The following NRXN1 variants were observed in gnomAD, a reference collection of about 807,000 sequenced individuals.
NRXN1 encodes neurexin-1.
In NRXN1, 39 loss-of-function variants were observed where a neutral mutation model predicts 150.9. The observed-to-expected ratio is 0.26, with a 90% CI of 0.20 to 0.34. The LOEUF is 0.34. Ranked by LOEUF, NRXN1 falls within the 10% of genes least tolerant of loss-of-function variation. The probability of loss-of-function intolerance (pLI) is 1.00; values close to 1 mark genes in which losing one functional copy is unlikely to be tolerated. For missense variants in NRXN1, 1,815 were observed against 1,949.9 expected (o/e 0.93, Z 1.30); for synonymous variants, 924 against 757.0 (o/e 1.22, Z -3.62).
intron 5 of NRXN1, among the ~76,000 whole-genome samples, chr2:50,770,022 G>A (rs1162024526): frequency 6.6e-6 from 1 of 152,074 alleles, no homozygotes; most frequent in African/African-American, 2.4e-5. Flanking sequence ...AACTTCACTT[G>A]TGCTTCCCTG....
At chr2:50,453,424 G>T (rs965425541) in intron 17 of NRXN1, among the ~76,000 whole-genome samples, 4 of 151,944 alleles carry the variant, frequency 2.6e-5, no homozygotes, top group Non-Finnish European at 4.4e-5. Context: ...TTTTGATTCA[G>T]GTAGACAAAT....
intron 17 of NRXN1, among the ~76,000 whole-genome samples, chr2:50,423,963 G>C (rs1475056373): frequency 3.3e-5 from 5 of 151,990 alleles, no homozygotes; most frequent in Non-Finnish European, 5.9e-5. Context: ...TTCCAGAACT[G>C]AAAATTTACA....
intron 17 of NRXN1, among the ~76,000 whole-genome samples, chr2:50,260,844 A>G (rs1344058362): frequency 6.6e-6 from 1 of 151,442 alleles, no homozygotes; most frequent in Non-Finnish European, 1.5e-5. Context: ...AAAACGAGAC[A>G]CTCAAAATCC....
chr2:50,172,852 A>C (rs2060114041), intron 18 of NRXN1, among the ~76,000 whole-genome samples: 2 of 152,170 alleles, frequency 1.3e-5, no homozygotes, highest in Admixed American at 6.6e-5. Flanking sequence ...CTGTAGTCCC[A>C]GCCACTTGGG....
intron 12 of NRXN1, among the ~76,000 whole-genome samples, chr2:50,513,143 G>A (rs1391125159): frequency 6.6e-6 from 1 of 151,946 alleles, no homozygotes; most frequent in Non-Finnish European, 1.5e-5. Context: ...AAGGACTAAG[G>A]GATATAACAA....
chr2:50,200,342 T>A (rs996285037), intron 18 of NRXN1, among the ~76,000 whole-genome samples: 1 of 152,146 alleles, frequency 6.6e-6, no homozygotes, highest in Non-Finnish European at 1.5e-5. Flanking sequence ...CTGTCTGGAG[T>A]CATAATTAAT....
intron 2 of NRXN1, among the ~76,000 whole-genome samples, chr2:50,929,870 A>G (rs1296332056): frequency 6.6e-6 from 1 of 152,042 alleles, no homozygotes; most frequent in African/African-American, 2.4e-5. Flanking sequence ...AAAAACCTCA[A>G]TAGTCTGGGA....
chr2:50,518,284 A>T (rs2092685509), intron 12 of NRXN1, among the ~76,000 whole-genome samples: 1 of 152,084 alleles, frequency 6.6e-6, no homozygotes, highest in African/African-American at 2.4e-5. Context: ...TAATAAAATA[A>T]GCCTAATACA....
At chr2:49,941,564 C>T (rs1416397385) in intron 22 of NRXN1, among the ~76,000 whole-genome samples, 1 of 152,068 alleles carries the variant, frequency 6.6e-6, no homozygotes, top group Non-Finnish European at 1.5e-5. Flanking sequence ...CAATTAGTTA[C>T]TGTGATTCAC....
intron 5 of NRXN1, among the ~76,000 whole-genome samples, chr2:50,903,490 G>A (rs1222554643): frequency 6.6e-6 from 1 of 152,082 alleles, no homozygotes; most frequent in African/African-American, 2.4e-5. Context: ...AGTATTCTGG[G>A]GGAGGTGTTT....
Position 50,381,432 on chromosome 2 carries a change from T to C in NRXN1, c.3364+84010A>G, listed in dbSNP as rs143728755. ...AAACAATGTGATTTTTTACTGGGCT[T>C]ACGGCATGCCAATCTTGTTAGTTTT... On this transcript the variant is annotated intron_variant, in intron 17 of 22. Transcript: ENST00000401669. Among the ~76,000 whole-genome samples the C allele has an allele frequency of 1.0e-2, 1,513 of 151,936 alleles. 20 individuals are homozygous for C. Among genetic ancestry groups the C allele is most frequent in the African/African-American group, 0.035 (1,435 of 41,442 alleles).
chr2:50,059,026 C>G (rs567331086), intron 19 of NRXN1, among the ~76,000 whole-genome samples: 10 of 151,964 alleles, frequency 6.6e-5, no homozygotes, highest in South Asian at 2.1e-4. Context: ...ATTAAGATAC[C>G]TGAAAATGTG....
At position 50,544,338 on chromosome 2, in the gene NRXN1, G is replaced by A. The variant is rs534454537; in HGVS notation, c.1760-5702C>T. Among the ~76,000 whole-genome samples, 12 of 152,054 alleles carry A rather than the reference G, an allele frequency of 7.9e-5. No individual in the cohort carries two copies. In the East Asian group the frequency reaches 2.3e-3, roughly 29 times the overall value. On this transcript the variant is annotated intron_variant, in intron 9 of 22. Coordinates refer to ENST00000401669, the MANE Select transcript of NRXN1 (RefSeq NM_001330078.2). The stretch of plus-strand genomic sequence containing the variant: ...AAAAGAACCAACATATTAAGAGTGG[G>A]TATTTGGTGACAGTGTAATTATGAG...
intron 5 of NRXN1, among the ~76,000 whole-genome samples, chr2:50,837,830 T>C (rs1041340414): frequency 6.6e-6 from 1 of 152,140 alleles, no homozygotes; most frequent in African/African-American, 2.4e-5. Context: ...AAATAACAAT[T>C]TAGTTTTATT....
chr2:50,236,597 T>C (rs528953759), intron 18 of NRXN1, among the ~76,000 whole-genome samples, 192 bp downstream of exon 18: 2 of 151,600 alleles, frequency 1.3e-5, no homozygotes, highest in East Asian at 3.9e-4. Flanking sequence ...AAAAAAAAGT[T>C]TGCATTGTAA....
chr2:50,989,278 T>C (rs911542503), intron 2 of NRXN1, among the ~76,000 whole-genome samples: 2 of 152,042 alleles, frequency 1.3e-5, no homozygotes, highest in Non-Finnish European at 2.9e-5. Context: ...ATCTCATTAC[T>C]ATGACTACAT....
intron 21 of NRXN1, among the ~76,000 whole-genome samples, chr2:49,990,168 T>C (rs1360938731): frequency 6.6e-6 from 1 of 151,504 alleles, no homozygotes; most frequent in Non-Finnish European, 1.5e-5. Context: ...ATATTGGGTG[T>C]TCAGGGAAAG....
intron 8 of NRXN1, among the ~76,000 whole-genome samples, chr2:50,568,009 C>G (rs908958253): frequency 5.3e-5 from 8 of 152,024 alleles, no homozygotes; most frequent in Non-Finnish European, 8.8e-5. Context: ...CCCCATTTTT[C>G]AGAAGAAACT....
intron 5 of NRXN1, among the ~76,000 whole-genome samples, chr2:50,814,582 C>T (rs1668667526): frequency 6.6e-6 from 1 of 151,838 alleles, no homozygotes; most frequent in South Asian, 2.1e-4. Flanking sequence ...CTGGAAAACT[C>T]CTTCATTCTC....
Sources: allele counts gnomAD v4.1 joint callset (sites outside exome capture counted in the v4.1 genomes callset), GRCh38; gene constraint gnomAD v4.1.1; transcripts MANE v1.5; gene names NCBI Gene and HGNC (gene_info 2026-07-23, HGNC 2026-07-21).